Variants in RHEB observed in about 807,000 individuals in gnomAD.
The protein encoded by RHEB is Ras homolog, mTORC1 binding.
In RHEB, 2 loss-of-function variants were observed where a neutral mutation model predicts 28.8. That is an observed-to-expected ratio of 0.07 (90% CI 0.03 to 0.22). RHEB has a LOEUF of 0.22. Ranked by LOEUF, RHEB falls within the 10% of genes least tolerant of loss-of-function variation. The pLI, the probability that RHEB is intolerant of heterozygous loss-of-function variation, is 1.00. For synonymous variants in RHEB, 69 were observed against 77.3 expected, an observed-to-expected ratio of 0.89 and a Z score of 0.56; for missense variants, 76 against 219.9, an observed-to-expected ratio of 0.35 and a Z score of 4.14.
chr7:151,518,405 C>G (rs1040293971), intron 1 of RHEB, among the ~76,000 whole-genome samples: 1 of 152,140 alleles, frequency 6.6e-6, no homozygotes, highest in African/African-American at 2.4e-5. Context: ...GCCTCGGAAC[C>G]CTCGCTTTCA....
Position 151,468,512 on chromosome 7 carries a change from C to G in RHEB, c.463-1301G>C, listed in dbSNP as rs964425656. ...AGACACTTGGTGCTGCCTAGCCACC[C>G]GCCTGCATCCCTGGATCTGGGCACT... On this transcript the variant is annotated intron_variant, in intron 7 of 7. Transcript: ENST00000262187. The surrounding 1 kb of genome is among the most constrained non-coding windows in gnomAD (Gnocchi z 4.3). Among the ~76,000 whole-genome samples the G allele has an allele frequency of 6.6e-6, 1 of 152,246 alleles. No homozygotes were observed. Among genetic ancestry groups the G allele is most frequent in the South Asian group, 2.1e-4 (1 of 4,828 alleles).
At chr7:151,504,671 C>T (rs371550259) in intron 1 of RHEB, among the ~76,000 whole-genome samples, 16 of 152,158 alleles carry the variant, frequency 1.1e-4, no homozygotes, top group East Asian at 3.9e-4. Context: ...AGTAGCCAGA[C>T]GCAAAAAGCT....
At chr7:151,475,426 T>C (rs1180295034) in intron 4 of RHEB, among the ~76,000 whole-genome samples, 8 of 152,202 alleles carry the variant, frequency 5.3e-5, no homozygotes, top group Admixed American at 5.2e-4. Context: ...TTGAATCATG[T>C]TTTTCAAGTA....
intron 1 of RHEB, among the ~76,000 whole-genome samples, chr7:151,507,563 G>A (rs1400709977): frequency 6.6e-6 from 1 of 152,152 alleles, no homozygotes; most frequent in Non-Finnish European, 1.5e-5. Context: ...GACACCGTTA[G>A]AGTTTACGGA....
At chr7:151,493,959 A>T (rs1195060980) in intron 1 of RHEB, among the ~76,000 whole-genome samples, 1 of 152,188 alleles carries the variant, frequency 6.6e-6, no homozygotes, top group African/African-American at 2.4e-5. Flanking sequence ...TTAATTAGAA[A>T]GAAAGAAGGG....
chr7:151,501,983 A>G, intron 1 of RHEB: 1 of 594,018 alleles, frequency 1.7e-6, no homozygotes, highest in Non-Finnish European at 3.2e-6. Context: ...CACGCCTGTA[A>G]TCCCAGCACT....
intron 1 of RHEB, among the ~76,000 whole-genome samples, chr7:151,512,467 G>C (rs539460474): frequency 6.6e-6 from 1 of 152,030 alleles, no homozygotes; most frequent in African/African-American, 2.4e-5. Flanking sequence ...TGGGAGCCTC[G>C]CCATCACCAG....
In RHEB at chr7:151,472,442, G is replaced by A. The variant is rs185937097; in HGVS notation, c.276-837C>T. Among the ~76,000 whole-genome samples, 11 of 152,210 alleles carry A rather than the reference G, an allele frequency of 7.2e-5. No individual in the cohort carries two copies. The highest frequency in any genetic ancestry group is 1.2e-4 in the African/African-American group (5 of 41,522). On this transcript the variant is annotated intron_variant, in intron 4 of 7. Transcript: ENST00000262187. The surrounding 1 kb of genome is among the most constrained non-coding windows in gnomAD (Gnocchi z 5.2). ...CTCTGATGGGTGGCCATCTTTACTC[G>A]GCCCCAGTGACTCTCAAGCCGCAAA... is the stretch of plus-strand genomic sequence containing the variant.
At chr7:151,512,871 T>C (rs1803015456) in intron 1 of RHEB, among the ~76,000 whole-genome samples, 1 of 152,218 alleles carries the variant, frequency 6.6e-6, no homozygotes, top group Non-Finnish European at 1.5e-5. Context: ...TATTAAGTTA[T>C]CATTTGCCTT....
chr7:151,510,971 C>T (rs902556747), intron 1 of RHEB, among the ~76,000 whole-genome samples: 4 of 151,796 alleles, frequency 2.6e-5, no homozygotes, highest in Admixed American at 2.6e-4. Context: ...CCCAGCTGCT[C>T]GGGAGGCTGA....
At chr7:151,481,500 GC>G (rs746320316) in intron 3 of RHEB, among the ~76,000 whole-genome samples, 5 of 152,166 alleles carry the variant, frequency 3.3e-5, no homozygotes, top group Non-Finnish European at 7.3e-5. Context: ...CCTAGAACCA[GC>G]CCCCGTATGC....
At chr7:151,518,383 G>A (rs1462806732) in intron 1 of RHEB, among the ~76,000 whole-genome samples, 1 of 152,124 alleles carries the variant, frequency 6.6e-6, no homozygotes, top group African/African-American at 2.4e-5. Flanking sequence ...ACCCCGTTCC[G>A]CAATCACGGG....
intron 1 of RHEB, chr7:151,502,418 C>A: frequency 1.2e-6 from 1 of 807,954 alleles, no homozygotes; most frequent in Non-Finnish European, 2.2e-6. Flanking sequence ...TACATCTATA[C>A]AACAAAGGCT....
At chr7:151,508,556 G>C (rs1802927597) in intron 1 of RHEB, among the ~76,000 whole-genome samples, 1 of 151,766 alleles carries the variant, frequency 6.6e-6, no homozygotes, top group Non-Finnish European at 1.5e-5. Context: ...GCTAAATTAA[G>C]TATATTAATT....
At chr7:151,497,313 A>G (rs1159218068) in intron 1 of RHEB, among the ~76,000 whole-genome samples, 1 of 152,184 alleles carries the variant, frequency 6.6e-6, no homozygotes, top group Non-Finnish European at 1.5e-5. Flanking sequence ...GTAACCTGTA[A>G]CAAATGTAAT....
intron 4 of RHEB, among the ~76,000 whole-genome samples, chr7:151,473,909 G>A (rs919403282): frequency 1.7e-4 from 26 of 152,166 alleles, no homozygotes; most frequent in Admixed American, 3.3e-4. Flanking sequence ...CAAACCAACT[G>A]AAAAAGACTG....
chr7:151,505,034 C>T (rs11976078), intron 1 of RHEB, among the ~76,000 whole-genome samples: 1 of 143,138 alleles, frequency 7.0e-6, no homozygotes, highest in African/African-American at 2.6e-5. Context: ...TACAAAACTT[C>T]TAGAATATGA....
intron 1 of RHEB, among the ~76,000 whole-genome samples, chr7:151,511,392 C>A (rs1163097790): frequency 1.3e-5 from 2 of 152,188 alleles, no homozygotes; most frequent in African/African-American, 4.8e-5. Context: ...AGACTCAATT[C>A]TACTACAGAT....
At chr7:151,479,606 C>G (rs1802343583) in intron 3 of RHEB, among the ~76,000 whole-genome samples, 1 of 149,230 alleles carries the variant, frequency 6.7e-6, no homozygotes, top group South Asian at 2.1e-4. Context: ...TGGTGTGAAC[C>G]TGGGTGGCGG....
Sources: gnomAD v4.1 joint callset for allele counts (sites outside exome capture counted in the v4.1 genomes callset) on GRCh38, gnomAD v4.1.1 for gene constraint, Gnocchi (gnomAD v3.1) non-coding constraint, MANE v1.5 for transcripts, NCBI Gene and HGNC (gene_info 2026-07-23, HGNC 2026-07-21) for gene names.